The following MUC3A variants were observed in gnomAD, a reference collection of about 807,000 sequenced individuals.
The protein encoded by MUC3A is mucin 3A, cell surface associated.
Under a neutral mutation model 109.0 loss-of-function variants are expected in MUC3A, and 109 were observed. The observed-to-expected ratio is 1.00, with a 90% CI of 0.86 to 1.17. The LOEUF (loss-of-function observed/expected upper bound fraction) is 1.17, where lower values mean the gene tolerates loss of function less well. Ranked by LOEUF, MUC3A falls within the 50% of genes most tolerant of loss-of-function variation. MUC3A has a pLI of 0.00. For synonymous variants in MUC3A, 1,398 were observed against 981.4 expected (o/e 1.42, Z -7.93); for missense variants, 3,537 against 2,469.4 (o/e 1.43, Z -9.16).
intron 7 of MUC3A, 129 bp from the exon 8 acceptor site, chr7:100,965,575 G>A: frequency 1.4e-6 from 2 of 1,481,450 alleles, no homozygotes; most frequent in Non-Finnish European, 1.8e-6. Flanking sequence ...CGAATCCCAG[G>A]GTCTACCCCA....
chr7:100,959,858 T>C lies in MUC3A; in HGVS notation c.8079T>C (p.Ser2693=). The change falls in exon 2 of 12, where the codon TCT becomes TCC. Residue 2693 remains serine (S), a synonymous_variant. Transcript: ENST00000379458. ...CACCCACTATTATCATGTCCTCTTC[T>C]CCATCTTCTGCCAGCATAACTCCAG... ...SSTPTIIMSS[S]PSSASITPVF... is the part of the protein sequence containing the mutation. The C allele has an allele frequency of 6.4e-7, 1 of 1,561,180 alleles. No individual in the cohort carries two copies. The highest frequency in any genetic ancestry group is 8.6e-7 in the Non-Finnish European group (1 of 1,161,368).
In MUC3A at chr7:100,966,517, G is replaced by T. The variant is rs1157815112; in HGVS notation, c.9743G>T (p.Arg3248Leu). The T allele has an allele frequency of 3.1e-6, 4 of 1,311,388 alleles. No individual in the cohort carries two copies. Among genetic ancestry groups the T allele is most frequent in the Non-Finnish European group, 3.8e-6 (4 of 1,040,114 alleles). The allele number at this position is 1,311,388 out of a possible 1,614,324, so 81.2% of individuals were successfully genotyped here. Residue 3248 changes from arginine to leucine, a missense_variant, in exon 9 of 12, where the codon CGG (arginine) becomes CTG (leucine). Physicochemically the swap from Arg to Leu is moderately radical, Grantham distance 102 (BLOSUM62 -2). Transcript: ENST00000379458. Reference sequence around the variant, plus strand: ...CTGCTGCTGCTGGCGCTGGGCGTCCGGGCGGTGCGCTCCGGATGGTGGGGC... The same window carrying T: ...CTGCTGCTGCTGGCGCTGGGCGTCCTGGCGGTGCGCTCCGGATGGTGGGGC... ...LVLLLLALGVRAVRSGWWGGQ... is the reference protein window; with the variant it reads ...LVLLLLALGVLAVRSGWWGGQ...
rs1426923350 is a variant in MUC3A at position 100,960,355 on chromosome 7, C to A, written c.8576C>A (p.Thr2859Lys). Residue 2859 changes from threonine to lysine, a missense_variant, in exon 2 of 12, where the codon ACA becomes AAA. Thr to Lys is a moderately conservative substitution (Grantham distance 78, BLOSUM62 -1). Transcript: ENST00000379458. The stretch of plus-strand genomic sequence containing the variant: ...GGCACTGGGACTGTACCCACAAACA[C>A]AGTTTTCACAAGTACTCGACTGCCC... ...STGTGTVPTN[T>K]VFTSTRLPTS... 4 of 1,598,518 alleles carry A rather than the reference C, an allele frequency of 2.5e-6. No homozygotes were observed. The highest frequency in any genetic ancestry group is 1.1e-5 in the South Asian group (1 of 91,092).
At position 100,957,948 on chromosome 7, in the gene MUC3A, C is replaced by T. The variant is rs1792146074; in HGVS notation, c.6169C>T (p.Pro2057Ser). ...ITTETTSHST[P>S]SFTSLITITE... ...CACCGAGACCACATCCCACAGTACT[C>T]CCAGCTTCACTTCATTGATCACCAT... Residue 2057 changes from proline to serine, a missense_variant, in exon 2 of 12, where the codon CCC becomes TCC. By Grantham distance (74) the Pro-to-Ser change is moderately conservative. Transcript: ENST00000379458. The T allele has an allele frequency of 2.7e-6, 2 of 754,628 alleles. No homozygotes were observed. Among genetic ancestry groups the T allele is most frequent in the African/African-American group, 4.0e-5 (2 of 49,468 alleles). The allele number at this position is 754,628 out of a possible 1,614,324, so 46.7% of individuals were successfully genotyped here.
Position 100,958,852 on chromosome 7 carries a change from T to G in MUC3A, c.7073T>G (p.Phe2358Cys). Residue 2358 changes from phenylalanine to cysteine, a missense_variant, in exon 2 of 12, where the codon TTC becomes TGC. Phe to Cys is a radical substitution (Grantham distance 205). Transcript: ENST00000379458. ...TETNSHSTTS[F>C]TSSITTTETT... ...ACCAACTCTCACAGTACTACCAGCT[T>G]CACTTCTTCGATCACCACCACCGAG... 6.3e-7 allele frequency: 1 copy of G among 1,592,944 alleles called. No individual in the cohort carries two copies. Among genetic ancestry groups the G allele is most frequent in the Middle Eastern group, 1.7e-4 (1 of 6,024 alleles).
Position 100,949,823 on chromosome 7 carries a change from C to T in MUC3A, c.61+138C>T, listed in dbSNP as rs1378892296. 5 of 559,368 alleles carry T rather than the reference C, an allele frequency of 8.9e-6. No individual in the cohort carries two copies. The Admixed American group carries it at 2.5e-4, about 28-fold the overall frequency. 34.7% of individuals were successfully genotyped at this position (559,368 alleles called of 1,614,324 possible). On this transcript the variant is annotated intron_variant, in intron 1 of 11. Transcript: ENST00000379458. ...TTGGGGCTCTGGGTGCAGGGAGAAC[C>T]GAGGCACGGCCTGACTGGGGGAGGG...
Position 100,963,695 on chromosome 7 carries a change from A to G in MUC3A, c.9176A>G (p.Lys3059Arg). Residue 3059 changes from lysine (K) to arginine (R), a missense_variant, in exon 5 of 12, where the codon AAG becomes AGG. Physicochemically the swap from Lys to Arg is conservative, Grantham distance 26. Transcript: ENST00000379458. ...GGATCCTTGGTGTTTCAGATGCAGA[A>G]GATTTTTGCAGACATGCAGGGCTTC... Reference protein sequence around the residue: ...FNKTFWNQMQKIFADMQGFTF... With the variant: ...FNKTFWNQMQRIFADMQGFTF... 6.3e-7 allele frequency: 1 copy of G among 1,598,506 alleles called. No individual in the cohort carries two copies. Among genetic ancestry groups the G allele is most frequent in the African/African-American group, 1.3e-5 (1 of 75,086 alleles).
Position 100,958,981 on chromosome 7 carries a change from C to G in MUC3A, c.7202C>G (p.Thr2401Ser). Reference protein sequence around the residue: ...GLTSWVTTTKTTSHITPGLTS... With the variant: ...GLTSWVTTTKSTSHITPGLTS... ...ACTTCGTGGGTCACCACCACCAAGA[C>G]CACCTCACACATTACTCCTGGCCTC... Residue 2401 changes from threonine to serine, a missense_variant, in exon 2 of 12, where the codon ACC (threonine) becomes AGC (serine). Coordinates refer to ENST00000379458, the MANE Select transcript of MUC3A (RefSeq NM_005960.2). The G allele has an allele frequency of 1.3e-6, 2 of 1,569,096 alleles. No homozygotes were observed. Among genetic ancestry groups the G allele is most frequent in the South Asian group, 1.1e-5 (1 of 89,250 alleles).
Position 100,965,308 on chromosome 7 carries a change from A to G in MUC3A, c.9409A>G (p.Lys3137Glu), listed in dbSNP as rs587648682. The change falls in exon 7 of 12, where the codon AAG becomes GAG. Residue 3137 changes from lysine (K) to glutamate (E), a missense_variant. Transcript: ENST00000379458. ...CCTGTGTTTTAAGCCTGACTCCATC[A>G]AGGTGAACAACAACAGCAAGACAGA... ...QTLCFKPDSI[K>E]VNNNSKTELT... The G allele has an allele frequency of 2.9e-5, 46 of 1,599,228 alleles. No homozygotes were observed. In the African/African-American group the frequency reaches 5.6e-4, roughly 19 times the overall value.
chr7:100,965,574 G>A, intron 7 of MUC3A, 130 bp from the exon 8 acceptor site: 2 of 1,479,826 alleles, frequency 1.4e-6, no homozygotes, highest in Non-Finnish European at 1.8e-6. Context: ...TCGAATCCCA[G>A]GGTCTACCCC....
In MUC3A at chr7:100,955,708, G is replaced by C. The variant is rs1227655173; in HGVS notation, c.3929G>C (p.Ser1310Thr). 7.4e-6 allele frequency: 3 copies of C among 405,578 alleles called. No homozygotes were observed. Among genetic ancestry groups the C allele is most frequent in the Non-Finnish European group, 4.3e-6 (1 of 235,136 alleles). 25.1% of individuals were successfully genotyped at this position (405,578 alleles called of 1,614,324 possible). Residue 1310 changes from serine (S) to threonine (T), a missense_variant, in exon 2 of 12, where the codon AGC becomes ACC. Ser to Thr is a moderately conservative substitution (Grantham distance 58). Coordinates refer to ENST00000379458, the MANE Select transcript of MUC3A (RefSeq NM_005960.2). ...GAGACTATTTCCTCACTTCCAGCCAGCACCAATACAATCCACACAACAGCT... is the reference window on the plus strand; with the variant it reads ...GAGACTATTTCCTCACTTCCAGCCACCACCAATACAATCCACACAACAGCT... ...HTETISSLPASTNTIHTTAES... is the reference protein window; with the variant it reads ...HTETISSLPATTNTIHTTAES...
Position 100,956,246 on chromosome 7 carries a change from A to T in MUC3A, c.4467A>T (p.Ser1489=). The T allele has an allele frequency of 2.0e-6, 1 of 489,382 alleles. No homozygotes were observed. The highest frequency in any genetic ancestry group is 3.6e-6 in the Non-Finnish European group (1 of 277,900). The allele number at this position is 489,382 out of a possible 1,614,324, so 30.3% of individuals were successfully genotyped here. A position where few individuals can be genotyped will look rare whatever the true frequency, so the allele number is the denominator to read the frequency against. The change falls in exon 2 of 12, where the codon TCA becomes TCT. Residue 1489 remains serine, a synonymous_variant. Coordinates refer to ENST00000379458, the MANE Select transcript of MUC3A (RefSeq NM_005960.2). ...ITYPTTMTET[S]STATSLPPTS... is the part of the protein sequence containing the mutation. ...ATCCCACCACTATGACAGAGACATC[A>T]TCTACTGCCACCTCTCTTCCACCCA...
chr7:100,965,533 G>C (rs939913830), intron 7 of MUC3A, 171 bp from the exon 8 acceptor site: 1 of 1,412,264 alleles, frequency 7.1e-7, no homozygotes, highest in African/African-American at 1.4e-5. Flanking sequence ...CACGAGGAGA[G>C]GGTGAGGGTG....
chr7:100,964,658 C>T (rs4992766), intron 5 of MUC3A, 37 bp from the exon 6 acceptor site: 11 of 1,543,268 alleles, frequency 7.1e-6, no homozygotes, highest in South Asian at 7.0e-5. Flanking sequence ...CCATATGTTC[C>T]TGGCTGGGGC....
rs1297280486 is a variant in MUC3A at position 100,952,834 on chromosome 7, C to G, written c.1055C>G (p.Ala352Gly). ...STVTDSTTKI[A>G]YSTSMTGTLS... ...GTCACAGACTCCACTACCAAAATCG[C>G]CTACTCCACAAGTATGACAGGTACA... The change falls in exon 2 of 12, where the codon GCC becomes GGC. Residue 352 changes from alanine (A) to glycine (G), a missense_variant. Transcript: ENST00000379458. The G allele has an allele frequency of 7.3e-7, 1 of 1,361,534 alleles. No homozygotes were observed. Among genetic ancestry groups the G allele is most frequent in the African/African-American group, 3.2e-5 (1 of 31,448 alleles). 84.3% of individuals were successfully genotyped at this position (1,361,534 alleles called of 1,614,324 possible).
At position 100,955,927 on chromosome 7, in the gene MUC3A, C is replaced by T; in HGVS notation, c.4148C>T (p.Ser1383Phe). ...GAATCTCTCACAACAGCCATGACTT[C>T]TACTCCCCCCATCACTTCTTCAATC... ...STESLTTAMT[S>F]TPPITSSITP... The change falls in exon 2 of 12, where the codon TCT becomes TTT. Residue 1383 changes from serine (S) to phenylalanine (F), a missense_variant. Ser to Phe is a radical substitution (Grantham distance 155). Transcript: ENST00000379458. 1.9e-6 allele frequency: 1 copy of T among 538,822 alleles called. No individual in the cohort carries two copies. Among genetic ancestry groups the T allele is most frequent in the Non-Finnish European group, 3.3e-6 (1 of 303,874 alleles). The allele number at this position is 538,822 out of a possible 1,614,324, so 33.4% of individuals were successfully genotyped here. A position where few individuals can be genotyped will look rare whatever the true frequency, so the allele number is the denominator to read the frequency against.
Position 100,955,113 on chromosome 7 carries a change from T to C in MUC3A, c.3334T>C (p.Leu1112=). Reference sequence around the variant, plus strand: ...CTATTCCACAAGTATAACAGGTACATTGTCCACTGCCACTACTCTCCCACC... The same window carrying C: ...CTATTCCACAAGTATAACAGGTACACTGTCCACTGCCACTACTCTCCCACC... ...ITYSTSITGT[L]STATTLPPTS... Residue 1112 remains leucine, a synonymous_variant, in exon 2 of 12, where the codon TTG becomes CTG. Coordinates refer to ENST00000379458, the MANE Select transcript of MUC3A (RefSeq NM_005960.2). 1.6e-6 allele frequency: 1 copy of C among 620,272 alleles called. No individual in the cohort carries two copies. The allele number at this position is 620,272 out of a possible 1,614,324, so 38.4% of individuals were successfully genotyped here.
Position 100,957,079 on chromosome 7 carries a change from T to A in MUC3A, c.5300T>A (p.Ile1767Asn). The A allele has an allele frequency of 2.1e-6, 1 of 468,312 alleles. No homozygotes were observed. The highest frequency in any genetic ancestry group is 6.5e-5 in the South Asian group (1 of 15,362). The allele number at this position is 468,312 out of a possible 1,614,324, so 29.0% of individuals were successfully genotyped here. A position where few individuals can be genotyped will look rare whatever the true frequency, so the allele number is the denominator to read the frequency against. Residue 1767 changes from isoleucine (I) to asparagine (N), a missense_variant, in exon 2 of 12, where the codon ATC (isoleucine) becomes AAC (asparagine). Physicochemically the swap from Ile to Asn is moderately radical, Grantham distance 149 (BLOSUM62 -3). Coordinates refer to ENST00000379458, the MANE Select transcript of MUC3A (RefSeq NM_005960.2). ...VSSTPPITSSITSTYTVTSMT... is the reference protein window; with the variant it reads ...VSSTPPITSSNTSTYTVTSMT... ...TCTACTCCCCCCATCACTTCTTCAATCACCTCCACATATACGGTGACTTCG... is the reference window on the plus strand; with the variant it reads ...TCTACTCCCCCCATCACTTCTTCAAACACCTCCACATATACGGTGACTTCG...
At chr7:100,949,796 G>A (rs185798826) in intron 1 of MUC3A, 111 bp downstream of exon 1, 5 of 1,108,906 alleles carry the variant, frequency 4.5e-6, no homozygotes, top group Non-Finnish European at 6.2e-6. Context: ...AGAAGGCACC[G>A]CTTGGGGCTC....
Sources: gnomAD v4.1 joint callset for allele counts on GRCh38, gnomAD v4.1.1 for gene constraint, MANE v1.5 for transcripts, NCBI Gene and HGNC (gene_info 2026-07-23, HGNC 2026-07-21) for gene names.